SUGCT: variants seen among roughly 807,000 people sequenced by gnomAD.
SUGCT encodes succinyl-CoA:glutarate-CoA transferase.
A neutral mutation model predicts 55.0 loss-of-function variants in SUGCT; 41 were observed. The ratio of observed to expected loss-of-function variants is 0.74; its 90% CI spans 0.58 to 0.97. The LOEUF is 0.97. SUGCT is among the 50% of genes least tolerant of loss of function. The probability of loss-of-function intolerance (pLI) is 0.00; values close to 1 mark genes in which losing one functional copy is unlikely to be tolerated. For missense variants in SUGCT, 568 were observed against 547.8 expected (o/e 1.04, Z -0.37); for synonymous variants, 187 against 200.4 (o/e 0.93, Z 0.56).
chr7:40,590,259 G>T (rs1166313240), intron 12 of SUGCT, among the ~76,000 whole-genome samples: 1 of 152,064 alleles, frequency 6.6e-6, no homozygotes, highest in Admixed American at 6.6e-5. Context: ...CCTGAAAGAC[G>T]ATAATATTAA....
intron 1 of SUGCT, among the ~76,000 whole-genome samples, chr7:40,172,017 C>G (rs1372730236): frequency 6.6e-6 from 1 of 152,138 alleles, no homozygotes; most frequent in African/African-American, 2.4e-5. Flanking sequence ...TTCCCTCTCT[C>G]TCTTTTGGTA....
intron 13 of SUGCT, among the ~76,000 whole-genome samples, chr7:40,854,466 TTCTTTCTTTCTC>T (rs1177752184): frequency 2.8e-5 from 4 of 144,568 alleles, no homozygotes; most frequent in African/African-American, 5.2e-5. Context: ...CTTTCTTTCT[TTCTTTCTTTCTC>T]TTTCTCTCTT....
chr7:40,797,513 C>A (rs992582933), intron 13 of SUGCT, among the ~76,000 whole-genome samples: 5 of 152,116 alleles, frequency 3.3e-5, no homozygotes, highest in Admixed American at 6.6e-5. Flanking sequence ...GCTCTTATTC[C>A]CCACATCCAT....
At chr7:40,293,848 T>C (rs1288539788) in intron 8 of SUGCT, among the ~76,000 whole-genome samples, 3 of 152,210 alleles carry the variant, frequency 2.0e-5, no homozygotes, top group Non-Finnish European at 4.4e-5. Context: ...GTAGCAACTT[T>C]CTTGGCTTGT....
At chr7:40,211,101 A>G (rs1283567678) in intron 6 of SUGCT, among the ~76,000 whole-genome samples, 1 of 150,874 alleles carries the variant, frequency 6.6e-6, no homozygotes, top group Non-Finnish European at 1.5e-5. Context: ...CTGTCTCTCG[A>G]GTAGCTGGTA....
At position 40,832,840 on chromosome 7, in the gene SUGCT, A is replaced by C. The variant is rs940649239; in HGVS notation, c.1154-27476A>C. 1.3e-5 allele frequency among the ~76,000 whole-genome samples: 2 copies of C among 151,824 alleles called. 1 individual carries two copies. Among genetic ancestry groups the C allele is most frequent in the Non-Finnish European group, 2.9e-5 (2 of 67,942 alleles). On this transcript the variant is annotated intron_variant, in intron 13 of 13. Transcript: ENST00000335693. ...CAGGCACCCGCTACTATGCCCGGCT[A>C]ATTTTTTGTGTTTTTAGTAGAGACG...
chr7:40,818,569 G>C (rs1008443616), intron 13 of SUGCT, among the ~76,000 whole-genome samples: 1 of 152,168 alleles, frequency 6.6e-6, no homozygotes, highest in Non-Finnish European at 1.5e-5. Context: ...CATTAATAAT[G>C]TAGAAGTATA....
At chr7:40,396,958 A>G (rs1785766526) in intron 9 of SUGCT, among the ~76,000 whole-genome samples, 1 of 152,170 alleles carries the variant, frequency 6.6e-6, no homozygotes. Context: ...TTCCATTTCA[A>G]CAAGTTTGAT....
At chr7:40,968,052 C>T in the SUGCT span, 1 of 152,102 alleles carries the variant, frequency 6.6e-6, no homozygotes, top group East Asian at 1.9e-4. Flanking sequence ...TTTTTCTTTT[C>T]TTCTTTCATG....
At chr7:40,345,984 A>G (rs969849498) in intron 9 of SUGCT, among the ~76,000 whole-genome samples, 22 of 151,450 alleles carry the variant, frequency 1.5e-4, no homozygotes, top group African/African-American at 9.7e-5. Context: ...TTGTACATGT[A>G]GAGTTCTTTA....
At chr7:41,025,747 A>C in the SUGCT span, among the ~76,000 whole-genome samples, 1 of 152,204 alleles carries the variant, frequency 6.6e-6, no homozygotes, top group Non-Finnish European at 1.5e-5. Flanking sequence ...TAAAGGTGAA[A>C]AAATGTTAAA....
intron 12 of SUGCT, among the ~76,000 whole-genome samples, chr7:40,503,111 G>T (rs1004660744): frequency 6.6e-5 from 10 of 151,984 alleles, no homozygotes; most frequent in African/African-American, 2.4e-4. Flanking sequence ...TTCAGGCTTG[G>T]TTTTTTTGAG....
At chr7:40,568,027 A>T (rs180791953) in intron 12 of SUGCT, among the ~76,000 whole-genome samples, 21 of 152,340 alleles carry the variant, frequency 1.4e-4, no homozygotes, top group Non-Finnish European at 1.5e-5. Context: ...TTGAGTCTCA[A>T]TATAACTTGG....
At chr7:40,783,883 G>T (rs1391623526) in intron 13 of SUGCT, among the ~76,000 whole-genome samples, 1 of 152,070 alleles carries the variant, frequency 6.6e-6, no homozygotes, top group Non-Finnish European at 1.5e-5. Flanking sequence ...GATGAAATTG[G>T]TTTATACCCT....
At chr7:40,560,037 A>C (rs1562861423) in intron 12 of SUGCT, among the ~76,000 whole-genome samples, 1 of 152,160 alleles carries the variant, frequency 6.6e-6, no homozygotes, top group Admixed American at 6.5e-5. Context: ...TCTTAGGCAA[A>C]AGGGTAGTTT....
chr7:40,145,012 C>T (rs898173613), intron 1 of SUGCT, among the ~76,000 whole-genome samples: 2 of 152,042 alleles, frequency 1.3e-5, no homozygotes, highest in African/African-American at 4.8e-5. Flanking sequence ...TGTTAAAGAG[C>T]AGGTTAGTGC....
At chr7:41,033,824 A>G in the SUGCT span, among the ~76,000 whole-genome samples, 1 of 151,942 alleles carries the variant, frequency 6.6e-6, no homozygotes, top group Non-Finnish European at 1.5e-5. Context: ...CCATGTGCTG[A>G]GCTGGCCCCG....
intron 12 of SUGCT, among the ~76,000 whole-genome samples, chr7:40,501,043 A>G (rs1792255150): frequency 6.6e-6 from 1 of 152,184 alleles, no homozygotes; most frequent in Admixed American, 6.5e-5. Flanking sequence ...CTTGTTTCTA[A>G]TACTGCTGGG....
chr7:40,502,688 T>G (rs1792354432), intron 12 of SUGCT, among the ~76,000 whole-genome samples: 1 of 152,220 alleles, frequency 6.6e-6, no homozygotes, highest in African/African-American at 2.4e-5. Flanking sequence ...TAGTCTCATT[T>G]CATGTACTCA....
Sources: gnomAD v4.1 joint callset for allele counts (sites outside exome capture counted in the v4.1 genomes callset) on GRCh38, gnomAD v4.1.1 for gene constraint, MANE v1.5 for transcripts, NCBI Gene and HGNC (gene_info 2026-07-23, HGNC 2026-07-21) for gene names.